NDUFB5: variants seen among roughly 807,000 people sequenced by gnomAD.
NDUFB5 encodes NADH dehydrogenase [ubiquinone] 1 beta subcomplex subunit 5, mitochondrial.
In NDUFB5, 19 loss-of-function variants were observed where a neutral mutation model predicts 19.4. The ratio of observed to expected loss-of-function variants is 0.98; its 90% CI spans 0.68 to 1.43. The LOEUF (loss-of-function observed/expected upper bound fraction) is 1.43, where lower values mean the gene tolerates loss of function less well. Ranked by LOEUF, NDUFB5 falls within the 40% of genes most tolerant of loss-of-function variation. The pLI is 0.00. For synonymous variants in NDUFB5, 80 were observed against 82.6 expected, an observed-to-expected ratio of 0.97 and a Z score of 0.17; for missense variants, 233 against 236.5, an observed-to-expected ratio of 0.99 and a Z score of 0.10.
intron 5 of NDUFB5, 152 bp downstream of exon 5, chr3:179,618,673 A>T (rs1288663478): frequency 3.4e-6 from 2 of 593,422 alleles, no homozygotes; most frequent in Non-Finnish European, 5.9e-6. Context: ...TCACACCTGT[A>T]ATCCCAGCAC....
chr3:179,616,664 G>A (rs79140076), intron 3 of NDUFB5, among the ~76,000 whole-genome samples: 4,424 of 152,128 alleles, frequency 0.029, 139 homozygotes, highest in East Asian at 0.12. Flanking sequence ...AAAATGTTTT[G>A]TATCATAGGT....
At chr3:179,622,103 G>A (rs1431927782) in intron 5 of NDUFB5, among the ~76,000 whole-genome samples, 1 of 152,128 alleles carries the variant, frequency 6.6e-6, no homozygotes, top group African/African-American at 2.4e-5. Context: ...GAGTAGCTGG[G>A]ACCACAGGTG....
At chr3:179,616,111 A>C in intron 3 of NDUFB5, 62 bp downstream of exon 3, 3 of 1,172,394 alleles carry the variant, frequency 2.6e-6, no homozygotes. Flanking sequence ...ACATATGTAC[A>C]TTAATATAAA....
intron 1 of NDUFB5, among the ~76,000 whole-genome samples, chr3:179,610,352 C>T (rs575048283): frequency 1.2e-3 from 177 of 152,296 alleles, no homozygotes; most frequent in African/African-American, 4.2e-3. Flanking sequence ...CTCAGCCTCC[C>T]AAAGTGCTGG....
intron 1 of NDUFB5, among the ~76,000 whole-genome samples, chr3:179,609,112 C>G (rs749723014): frequency 3.9e-5 from 6 of 152,256 alleles, no homozygotes; most frequent in East Asian, 3.9e-4. Context: ...TCACAGTTTC[C>G]AAGAACTCAT....
At chr3:179,606,017 CCT>C (rs1270785099) in intron 1 of NDUFB5, among the ~76,000 whole-genome samples, 1 of 152,124 alleles carries the variant, frequency 6.6e-6, no homozygotes, top group Non-Finnish European at 1.5e-5. Context: ...GTCTCGAACT[CCT>C]CACCTCAAAT....
At chr3:179,620,927 G>C (rs1173962064) in intron 5 of NDUFB5, among the ~76,000 whole-genome samples, 2 of 152,038 alleles carry the variant, frequency 1.3e-5, no homozygotes, top group Non-Finnish European at 2.9e-5. Context: ...CCATGTTTCA[G>C]TTTTCCATGT....
chr3:179,618,647 G>T (rs561106649), intron 5 of NDUFB5, 126 bp downstream of exon 5: 2 of 662,266 alleles, frequency 3.0e-6, no homozygotes, highest in South Asian at 1.7e-5. Flanking sequence ...ATAAAGATAC[G>T]TCCAGATGCA....
chr3:179,606,697 T>G (rs1719112191), intron 1 of NDUFB5, among the ~76,000 whole-genome samples: 1 of 152,240 alleles, frequency 6.6e-6, no homozygotes, highest in Non-Finnish European at 1.5e-5. Flanking sequence ...ATTAGATATA[T>G]ACTGTAAGCT....
rs200781558 is a variant in NDUFB5, at chr3:179,612,563, C to T, written c.125-2408C>T. Among the ~76,000 whole-genome samples, 6 of 150,894 alleles carry T rather than the reference C, an allele frequency of 4.0e-5. No individual in the cohort carries two copies. In the East Asian group the frequency reaches 1.2e-3, roughly 30 times the overall value. On this transcript the variant is annotated intron_variant, in intron 1 of 5. Transcript: ENST00000259037. ...CGATCTAGGCTCACTGCAAGCTCCG[C>T]CTCCTGGGTTTACTTACGCCATTCT...
rs1231472745 is a variant in NDUFB5, at chr3:179,624,660, A to C, written c.*620A>C. ...CCTTAGAGTCCTTTTTTGGGGAAGT[A>C]GTTGCACTAGGTAATGTGATTCCTG... is the stretch of plus-strand genomic sequence containing the variant. On this transcript the variant is annotated 3_prime_UTR_variant, in exon 6 of 6. Coordinates refer to ENST00000259037, the MANE Select transcript of NDUFB5 (RefSeq NM_002492.4). 2 of 150,992 alleles carry C rather than the reference A, an allele frequency of 1.3e-5. No homozygotes were observed. The highest frequency in any genetic ancestry group is 2.9e-5 in the Non-Finnish European group (2 of 68,080). The allele number at this position is 150,992 out of a possible 1,614,324, so 9.4% of individuals were successfully genotyped here. A position where few individuals can be genotyped will look rare whatever the true frequency, so the allele number is the denominator to read the frequency against.
Position 179,625,117 on chromosome 3 carries a change from T to C in NDUFB5, c.*1077T>C, listed in dbSNP as rs1339199521. On this transcript the variant is annotated 3_prime_UTR_variant, in exon 6 of 6. Coordinates refer to ENST00000259037, the MANE Select transcript of NDUFB5 (RefSeq NM_002492.4). ...TTTCAAAATGACAAGAGGTAGTATT[T>C]AGTACCTGAGGCTCAGATGTTAAAC... 2.6e-5 allele frequency: 4 copies of C among 152,178 alleles called. No individual in the cohort carries two copies. The highest frequency in any genetic ancestry group is 9.7e-5 in the African/African-American group (4 of 41,436). The allele number at this position is 152,178 out of a possible 1,614,324, so 9.4% of individuals were successfully genotyped here.
intron 1 of NDUFB5, among the ~76,000 whole-genome samples, chr3:179,613,144 C>T (rs556382126): frequency 2.0e-5 from 3 of 152,032 alleles, no homozygotes; most frequent in Admixed American, 6.5e-5. Flanking sequence ...TTCTAAGACT[C>T]GACAAGTCAG....
intron 3 of NDUFB5, among the ~76,000 whole-genome samples, chr3:179,616,450 G>C (rs1719379681): frequency 6.6e-6 from 1 of 152,130 alleles, no homozygotes; most frequent in African/African-American, 2.4e-5. Flanking sequence ...GCTGAGGCAG[G>C]AGAATGGCTT....
Position 179,624,944 on chromosome 3 carries a change from C to G in NDUFB5, c.*904C>G, listed in dbSNP as rs1719636291. On this transcript the variant is annotated 3_prime_UTR_variant, in exon 6 of 6. Coordinates refer to ENST00000259037, the MANE Select transcript of NDUFB5 (RefSeq NM_002492.4). The stretch of plus-strand genomic sequence containing the variant: ...TAGCTGGGATTACAGGCACCCACCA[C>G]CACACCCGGCTAATTTTTGTATTTT... The G allele has an allele frequency of 6.6e-6, 1 of 151,914 alleles. No homozygotes were observed. Among genetic ancestry groups the G allele is most frequent in the African/African-American group, 2.4e-5 (1 of 41,322 alleles). The allele number at this position is 151,914 out of a possible 1,614,324, so 9.4% of individuals were successfully genotyped here.
rs1719676325 is a variant in NDUFB5 at position 179,626,515 on chromosome 3, G to A, written c.*2475G>A. On this transcript the variant is annotated 3_prime_UTR_variant, in exon 6 of 6. Coordinates refer to ENST00000259037, the MANE Select transcript of NDUFB5 (RefSeq NM_002492.4). The stretch of plus-strand genomic sequence containing the variant: ...GCCTCTCAAAGTGCAGGTACTTTAG[G>A]CGTGCCTGGCCTTTTTGTCCATTTT... 1 of 151,792 alleles carries A rather than the reference G, an allele frequency of 6.6e-6. No individual in the cohort carries two copies. Among genetic ancestry groups the A allele is most frequent in the Non-Finnish European group, 1.5e-5 (1 of 68,144 alleles). 9.4% of individuals were successfully genotyped at this position (151,792 alleles called of 1,614,324 possible).
At position 179,625,805 on chromosome 3, in the gene NDUFB5, T is replaced by C. The variant is rs1719656599; in HGVS notation, c.*1765T>C. On this transcript the variant is annotated 3_prime_UTR_variant, in exon 6 of 6. Coordinates refer to ENST00000259037, the MANE Select transcript of NDUFB5 (RefSeq NM_002492.4). ...GAGTGAGAACATTCAATATTTGTCT[T>C]TCTAGGCTTGGCTTATTTCACTTAC... 6.6e-6 allele frequency: 1 copy of C among 152,224 alleles called. No individual in the cohort carries two copies. The highest frequency in any genetic ancestry group is 2.1e-4 in the South Asian group (1 of 4,830). The allele number at this position is 152,224 out of a possible 1,614,324, so 9.4% of individuals were successfully genotyped here. A position where few individuals can be genotyped will look rare whatever the true frequency, so the allele number is the denominator to read the frequency against.
Position 179,604,806 on chromosome 3 carries a change from C to G in NDUFB5, c.-10C>G, listed in dbSNP as rs1459618120. 3.1e-6 allele frequency: 5 copies of G among 1,609,526 alleles called. No individual in the cohort carries two copies. The highest frequency in any genetic ancestry group is 4.2e-6 in the Non-Finnish European group (5 of 1,178,890). On this transcript the variant is annotated 5_prime_UTR_variant, in exon 1 of 6. Coordinates refer to ENST00000259037, the MANE Select transcript of NDUFB5 (RefSeq NM_002492.4). ...ACCCGCCTCCCTTCTTCCTCCTGCC[C>G]GTAGTAGCCATGGCGGCCATGAGTT... is the stretch of plus-strand genomic sequence containing the variant.
intron 4 of NDUFB5, among the ~76,000 whole-genome samples, chr3:179,617,787 G>C (rs1415445407): frequency 6.6e-6 from 1 of 152,168 alleles, no homozygotes; most frequent in Non-Finnish European, 1.5e-5. Context: ...GGCTAAAAGA[G>C]TTAAGTGACC....
Sources: allele counts gnomAD v4.1 joint callset (sites outside exome capture counted in the v4.1 genomes callset), GRCh38; gene constraint gnomAD v4.1.1; transcripts MANE v1.5; gene names NCBI Gene and HGNC (gene_info 2026-07-23, HGNC 2026-07-21).